The following INPP4B variants were observed in gnomAD, a reference collection of about 807,000 sequenced individuals.
The protein encoded by INPP4B is inositol polyphosphate 4-phosphatase type II.
A neutral mutation model predicts 122.5 loss-of-function variants in INPP4B; 55 were observed. The ratio of observed to expected loss-of-function variants is 0.45; its 90% CI spans 0.36 to 0.56. The LOEUF (loss-of-function observed/expected upper bound fraction) is 0.56, where lower values mean the gene tolerates loss of function less well. INPP4B is among the 20% of genes least tolerant of loss of function. INPP4B has a pLI of 0.00. For synonymous variants in INPP4B, 403 were observed against 388.7 expected (o/e 1.04, Z -0.43); for missense variants, 1,000 against 1,097.7 (o/e 0.91, Z 1.26).
chr4:142,170,878 T>C (rs1319529775), intron 16 of INPP4B, among the ~76,000 whole-genome samples: 2 of 151,810 alleles, frequency 1.3e-5, no homozygotes, highest in Non-Finnish European at 2.9e-5. Context: ...TGTGTTTGTC[T>C]CTACCAACAG....
At chr4:142,443,780 G>T (rs565154769) in intron 3 of INPP4B, among the ~76,000 whole-genome samples, 3 of 151,852 alleles carry the variant, frequency 2.0e-5, no homozygotes, top group Non-Finnish European at 4.4e-5. Flanking sequence ...CATCTAAACC[G>T]CACTCTAAGC....
intron 3 of INPP4B, among the ~76,000 whole-genome samples, chr4:142,440,730 T>A (rs1408455477): frequency 1.4e-5 from 2 of 147,808 alleles, no homozygotes; most frequent in Non-Finnish European, 3.0e-5. Flanking sequence ...TCCTTCTTTT[T>A]TAAAATAAAT....
chr4:142,536,636 A>C lies in INPP4B; in HGVS notation c.-190-73910T>G, dbSNP rs372735042. On this transcript the variant is annotated intron_variant, in intron 2 of 25. Transcript: ENST00000262992. ...TCCTGCACTTCACCAAACAGTTCCT[A>C]TCAGAACTTAAGGAATCTAGGCAAT... Among the ~76,000 whole-genome samples, 5 of 152,094 alleles carry C rather than the reference A, an allele frequency of 3.3e-5. No individual in the cohort carries two copies. The East Asian group carries it at 7.7e-4, about 23-fold the overall frequency.
chr4:142,316,099 TTTTA>T (rs1183277839), intron 7 of INPP4B, among the ~76,000 whole-genome samples: 1 of 152,170 alleles, frequency 6.6e-6, no homozygotes, highest in African/African-American at 2.4e-5. Context: ...GCTTAATGCT[TTTTA>T]TTTCTTTATG....
intron 2 of INPP4B, among the ~76,000 whole-genome samples, chr4:142,526,204 G>A (rs1414924426): frequency 6.6e-6 from 1 of 152,000 alleles, no homozygotes; most frequent in East Asian, 1.9e-4. Context: ...ACAGCAGTCT[G>A]CAAAGAACAT....
At chr4:142,522,215 T>C (rs911228940) in intron 2 of INPP4B, among the ~76,000 whole-genome samples, 4 of 152,158 alleles carry the variant, frequency 2.6e-5, no homozygotes, top group Non-Finnish European at 5.9e-5. Flanking sequence ...TGTATTTCAG[T>C]ATCTTATGTT....
chr4:142,254,652 G>GA (rs1734640284), intron 11 of INPP4B, among the ~76,000 whole-genome samples: 1 of 151,938 alleles, frequency 6.6e-6, no homozygotes, highest in South Asian at 2.1e-4. Flanking sequence ...GAAGTTTAGA[G>GA]AAAAAAGAAT....
At chr4:142,714,974 T>A (rs1289256818) in intron 2 of INPP4B, among the ~76,000 whole-genome samples, 1 of 152,184 alleles carries the variant, frequency 6.6e-6, no homozygotes, top group Non-Finnish European at 1.5e-5. Flanking sequence ...ATTGTCCACA[T>A]GTGCAGTGGC....
intron 3 of INPP4B, among the ~76,000 whole-genome samples, chr4:142,450,958 TAA>T (rs201291499): frequency 0.025 from 3,710 of 150,332 alleles, 76 homozygotes; most frequent in Non-Finnish European, 0.04. Context: ...ATATTATTCT[TAA>T]TTCTTAAAAT....
intron 11 of INPP4B, among the ~76,000 whole-genome samples, chr4:142,252,266 G>A (rs1020751494): frequency 3.4e-5 from 5 of 146,330 alleles, no homozygotes; most frequent in Non-Finnish European, 7.4e-5. Flanking sequence ...TCGGCTCACT[G>A]CAAGCTCCGC....
chr4:142,062,933 G>A (rs1425675566), intron 25 of INPP4B, among the ~76,000 whole-genome samples: 1 of 152,140 alleles, frequency 6.6e-6, no homozygotes, highest in Non-Finnish European at 1.5e-5. Context: ...AAGAAATGGG[G>A]AAATATGTTA....
chr4:142,423,413 C>CT lies in INPP4B; in HGVS notation c.136+5759dup, dbSNP rs573652015. 2.3e-3 allele frequency among the ~76,000 whole-genome samples: 344 copies of CT among 151,904 alleles called. 1 individual carries two copies. Among genetic ancestry groups the CT allele is most frequent in the African/African-American group, 7.2e-3 (298 of 41,434 alleles). On this transcript the variant is annotated intron_variant, in intron 5 of 25. Transcript: ENST00000262992. ...CAGAAAACTGATCACATGATTTTATCTTTTTTTTCCCCTAAATGGGCTACT... is the reference window on the plus strand; with the variant it reads ...CAGAAAACTGATCACATGATTTTATCTTTTTTTTTCCCCTAAATGGGCTACT...
At chr4:142,185,596 T>C (rs1832811481) in intron 15 of INPP4B, among the ~76,000 whole-genome samples, 1 of 151,982 alleles carries the variant, frequency 6.6e-6, no homozygotes, top group Non-Finnish European at 1.5e-5. Flanking sequence ...AGAAGTCCTC[T>C]TGGCCGGGCG....
chr4:142,488,009 AT>A, intron 2 of INPP4B, among the ~76,000 whole-genome samples: 1 of 152,096 alleles, frequency 6.6e-6, no homozygotes, highest in Non-Finnish European at 1.5e-5. Context: ...AATATTCAAA[AT>A]TTCACCATTA....
At chr4:142,348,838 C>A (rs1288337111) in intron 7 of INPP4B, among the ~76,000 whole-genome samples, 1 of 151,922 alleles carries the variant, frequency 6.6e-6, no homozygotes, top group African/African-American at 2.4e-5. Flanking sequence ...GTGCCTAATC[C>A]CAGGAGCTGT....
intron 2 of INPP4B, among the ~76,000 whole-genome samples, chr4:142,657,170 C>G (rs966103279): frequency 6.6e-6 from 1 of 151,966 alleles, no homozygotes; most frequent in African/African-American, 2.4e-5. Context: ...TTAATTTGGC[C>G]TAAAGAAAAA....
At position 142,293,484 on chromosome 4, in the gene INPP4B, G is replaced by T. The variant is rs1383779846; in HGVS notation, c.503+11974C>A. ...TATTCAAGTAAAACAACATAAACTT[G>T]CCTATTACTTCCGTCTTATTCTACA... On this transcript the variant is annotated intron_variant, in intron 9 of 25. Transcript: ENST00000262992. Among the ~76,000 whole-genome samples, 4 of 151,704 alleles carry T rather than the reference G, an allele frequency of 2.6e-5. No individual in the cohort carries two copies. The East Asian group carries it at 7.7e-4, about 29-fold the overall frequency.
At chr4:142,601,760 G>C (rs778051740) in intron 2 of INPP4B, among the ~76,000 whole-genome samples, 2 of 151,842 alleles carry the variant, frequency 1.3e-5, no homozygotes, top group Admixed American at 1.3e-4. Context: ...ATGAGGTCAG[G>C]AGATCAAGAC....
chr4:142,322,880 C>T (rs1019872928), intron 7 of INPP4B, among the ~76,000 whole-genome samples: 5 of 152,116 alleles, frequency 3.3e-5, no homozygotes, highest in African/African-American at 1.2e-4. Context: ...GGGAAGGACC[C>T]AAGCATCAGT....
Sources: gnomAD v4.1 joint callset for allele counts (sites outside exome capture counted in the v4.1 genomes callset) on GRCh38, gnomAD v4.1.1 for gene constraint, MANE v1.5 for transcripts, NCBI Gene and HGNC (gene_info 2026-07-23, HGNC 2026-07-21) for gene names.